MYO1B: variants seen among roughly 807,000 people sequenced by gnomAD.
MYO1B encodes myosin IB, also known as unconventional myosin-Ib.
MYO1B carries 72 observed loss-of-function variants against 159.7 expected under a neutral mutation model. The ratio of observed to expected loss-of-function variants is 0.45; its 90% CI spans 0.37 to 0.55. MYO1B has a LOEUF of 0.55. MYO1B is among the 20% of genes least tolerant of loss of function. The probability of loss-of-function intolerance (pLI) is 0.00; values close to 1 mark genes in which losing one functional copy is unlikely to be tolerated. For synonymous variants in MYO1B, 468 were observed against 473.8 expected, an observed-to-expected ratio of 0.99 and a Z score of 0.16; for missense variants, 1,062 against 1,364.8, an observed-to-expected ratio of 0.78 and a Z score of 3.50.
chr2:191,286,670 T>C (rs1382985729), intron 2 of MYO1B, among the ~76,000 whole-genome samples: 2 of 152,198 alleles, frequency 1.3e-5, no homozygotes, highest in African/African-American at 4.8e-5. Context: ...CCGTGGCTAA[T>C]GCCTATAATC....
intron 4 of MYO1B, among the ~76,000 whole-genome samples, chr2:191,333,912 C>G (rs563141017): frequency 6.6e-6 from 1 of 152,292 alleles, no homozygotes; most frequent in East Asian, 1.9e-4. Context: ...GTTAGAAACT[C>G]TGTTCCTTGC....
intron 7 of MYO1B, among the ~76,000 whole-genome samples, chr2:191,360,133 T>C (rs545448722): frequency 6.6e-6 from 1 of 152,326 alleles, no homozygotes; most frequent in Non-Finnish European, 1.5e-5. Context: ...TTATGTAAAC[T>C]CCTGGACTAT....
intron 2 of MYO1B, among the ~76,000 whole-genome samples, chr2:191,277,918 G>T (rs1002430376): frequency 6.6e-6 from 1 of 152,080 alleles, no homozygotes; most frequent in African/African-American, 2.4e-5. Context: ...ATATTTTTCT[G>T]TTTATCATTC....
chr2:191,311,659 T>C (rs953929973), intron 3 of MYO1B, among the ~76,000 whole-genome samples: 6 of 152,192 alleles, frequency 3.9e-5, no homozygotes, highest in Non-Finnish European at 8.8e-5. Context: ...TGAATAGCAT[T>C]ATGGATTAAA....
chr2:191,402,924 G>A (rs1696701211), intron 24 of MYO1B, among the ~76,000 whole-genome samples: 2 of 152,090 alleles, frequency 1.3e-5, no homozygotes, highest in African/African-American at 2.4e-5. Context: ...TAAATAATAG[G>A]TTTAATGTAA....
chr2:191,369,354 T>C (rs2126035092), intron 11 of MYO1B, among the ~76,000 whole-genome samples, 188 bp from the exon 12 acceptor site: 1 of 152,368 alleles, frequency 6.6e-6, no homozygotes, highest in South Asian at 2.1e-4. Context: ...TGAAAAAGTG[T>C]AACTGTGTAT....
In MYO1B at chr2:191,346,293, G is replaced by T; in HGVS notation, c.498+11G>T. On this transcript the variant is annotated intron_variant, in intron 6 of 30. Coordinates refer to ENST00000392318, the MANE Select transcript of MYO1B (RefSeq NM_001130158.3). ...AACTCCTCTAGATTTGTAAGTATTT[G>T]TATAAGCATAAGTGTTAACACTAAT... 6.4e-7 allele frequency: 1 copy of T among 1,557,316 alleles called. No homozygotes were observed. Among genetic ancestry groups the T allele is most frequent in the Non-Finnish European group, 8.7e-7 (1 of 1,149,590 alleles).
At chr2:191,413,938 A>G (rs1162444437) in intron 27 of MYO1B, 110 bp from the exon 28 acceptor site, 4 of 1,128,820 alleles carry the variant, frequency 3.5e-6, no homozygotes, top group Middle Eastern at 4.2e-4. Flanking sequence ...ATTGAAATCA[A>G]TTTTTATGAA....
At chr2:191,407,644 A>C (rs371975556) in intron 24 of MYO1B, 2 of 152,270 alleles carry the variant, frequency 1.3e-5, no homozygotes, top group East Asian at 3.8e-4. Flanking sequence ...GGTAGTTTCA[A>C]AGCTTCTATT....
Position 191,360,752 on chromosome 2 carries a change from T to TG in MYO1B, c.661+24dup, listed in dbSNP as rs35630881. 31 of 737,682 alleles carry TG rather than the reference T, an allele frequency of 4.2e-5. No homozygotes were observed. The African/African-American group carries it at 1.0e-3, about 24-fold the overall frequency. The allele number at this position is 737,682 out of a possible 1,614,324, so 45.7% of individuals were successfully genotyped here. A position where few individuals can be genotyped will look rare whatever the true frequency, so the allele number is the denominator to read the frequency against. On this transcript the variant is annotated intron_variant, in intron 8 of 30. Transcript: ENST00000392318. Reference sequence around the variant, plus strand: ...TCAGTAAGTCTCTGTTTCTATGTGGTGTTGTTGTTGTTGTTGTTGTTGTTG... The same window carrying TG: ...TCAGTAAGTCTCTGTTTCTATGTGGTGGTTGTTGTTGTTGTTGTTGTTGTTG...
chr2:191,278,066 T>G (rs1477735989), intron 2 of MYO1B, among the ~76,000 whole-genome samples: 1 of 152,260 alleles, frequency 6.6e-6, no homozygotes, highest in Non-Finnish European at 1.5e-5. Context: ...TAGATAGCTC[T>G]CTTTTCTAGA....
At chr2:191,370,479 G>T (rs1383996421) in intron 13 of MYO1B, among the ~76,000 whole-genome samples, 187 bp downstream of exon 13, 1 of 150,462 alleles carries the variant, frequency 6.6e-6, no homozygotes, top group Non-Finnish European at 1.5e-5. Context: ...AAATTTGGTT[G>T]TGTATTCCTG....
At chr2:191,367,710 G>A (rs1362890127) in intron 11 of MYO1B, among the ~76,000 whole-genome samples, 1 of 152,066 alleles carries the variant, frequency 6.6e-6, no homozygotes, top group African/African-American at 2.4e-5. Context: ...ACAAAAACAT[G>A]GTGTTTTGAA....
chr2:191,310,041 A>C (rs1042097546), intron 3 of MYO1B, among the ~76,000 whole-genome samples: 8 of 152,338 alleles, frequency 5.3e-5, no homozygotes, highest in African/African-American at 1.4e-4. Flanking sequence ...ACTGTAGAAG[A>C]CATGGTTTTG....
Position 191,424,826 on chromosome 2 carries a change from T to G in MYO1B, c.*866T>G, listed in dbSNP as rs1698134283. ...GTTTTCACCCAAATTTGAGTAGATA[T>G]TTTAAACACCTAACAAAGTAAAGGG... On this transcript the variant is annotated 3_prime_UTR_variant, in exon 31 of 31. Coordinates refer to ENST00000392318, the MANE Select transcript of MYO1B (RefSeq NM_001130158.3). 1.3e-5 allele frequency: 2 copies of G among 152,578 alleles called. No homozygotes were observed. The highest frequency in any genetic ancestry group is 6.5e-5 in the Admixed American group (1 of 15,272). 9.5% of individuals were successfully genotyped at this position (152,578 alleles called of 1,614,324 possible). A position where few individuals can be genotyped will look rare whatever the true frequency, so the allele number is the denominator to read the frequency against.
chr2:191,319,953 T>A (rs1690594824), intron 3 of MYO1B, among the ~76,000 whole-genome samples: 1 of 152,120 alleles, frequency 6.6e-6, no homozygotes, highest in Admixed American at 6.6e-5. Context: ...TGAAAATGTC[T>A]TGCTTAGATA....
In MYO1B at chr2:191,396,490, G is replaced by T. The variant is rs1696080754; in HGVS notation, c.2288G>T (p.Gly763Val). Residue 763 changes from glycine to valine, a missense_variant, in exon 21 of 31, where the codon GGT (glycine) becomes GTT (valine). Gly to Val is a moderately radical substitution (Grantham distance 109). Coordinates refer to ENST00000392318, the MANE Select transcript of MYO1B (RefSeq NM_001130158.3). ...SALVIQSYIRGWKARKILREL... is the reference protein window; with the variant it reads ...SALVIQSYIRVWKARKILREL... ...TTAGTAATTCAGTCTTATATCCGGGGTTGGAAGGTGAGTTTAAAAGAAGTA... is the reference window on the plus strand; with the variant it reads ...TTAGTAATTCAGTCTTATATCCGGGTTTGGAAGGTGAGTTTAAAAGAAGTA... The T allele has an allele frequency of 6.2e-7, 1 of 1,614,116 alleles. No homozygotes were observed. Among genetic ancestry groups the T allele is most frequent in the Non-Finnish European group, 8.5e-7 (1 of 1,179,980 alleles).
At chr2:191,376,160 T>C (rs1694699652) in intron 13 of MYO1B, among the ~76,000 whole-genome samples, 1 of 152,214 alleles carries the variant, frequency 6.6e-6, no homozygotes, top group Non-Finnish European at 1.5e-5. Flanking sequence ...TAAAATTTGC[T>C]GTATTTTAGT....
intron 13 of MYO1B, among the ~76,000 whole-genome samples, chr2:191,372,758 C>T (rs1679337190): frequency 6.6e-6 from 1 of 151,928 alleles, no homozygotes; most frequent in Admixed American, 6.6e-5. Flanking sequence ...CTGGTTAATT[C>T]AAGTTTCTCT....
Sources: gnomAD v4.1 joint callset for allele counts (sites outside exome capture counted in the v4.1 genomes callset) on GRCh38, gnomAD v4.1.1 for gene constraint, MANE v1.5 for transcripts, NCBI Gene and HGNC (gene_info 2026-07-23, HGNC 2026-07-21) for gene names.